ADARB2: variants seen among roughly 807,000 people sequenced by gnomAD.
ADARB2 encodes adenosine deaminase RNA specific B2 (inactive), also known as inactive double-stranded RNA-specific editase B2.
In ADARB2, 25 loss-of-function variants were observed where a neutral mutation model predicts 62.2. That is an observed-to-expected ratio of 0.40 (90% CI 0.29 to 0.56). The LOEUF (loss-of-function observed/expected upper bound fraction) is 0.56. Among genes scored for constraint, ADARB2 ranks in the 20% least tolerant of loss-of-function variants. ADARB2 has a pLI of 0.43. For synonymous variants in ADARB2, 572 were observed against 500.8 expected (o/e 1.14, Z -1.90); for missense variants, 1,071 against 1,077.4 (o/e 0.99, Z 0.08).
chr10:1,393,090 A>G (rs1248486383), intron 1 of ADARB2, among the ~76,000 whole-genome samples: 1 of 152,176 alleles, frequency 6.6e-6, no homozygotes, highest in African/African-American at 2.4e-5. Context: ...ATCACTTCCA[A>G]CTCATAGGGC....
At chr10:1,539,051 G>A (rs1396529132) in intron 1 of ADARB2, among the ~76,000 whole-genome samples, 1 of 152,186 alleles carries the variant, frequency 6.6e-6, no homozygotes, top group African/African-American at 2.4e-5. Flanking sequence ...TCGGCCCTGG[G>A]ATGTGAGTCT....
chr10:1,440,851 G>A (rs1448512317), intron 1 of ADARB2, among the ~76,000 whole-genome samples: 1 of 152,200 alleles, frequency 6.6e-6, no homozygotes, highest in Non-Finnish European at 1.5e-5. Context: ...CTTCAGGTGA[G>A]TTTTACAGCC....
In ADARB2 at chr10:1,647,412, CATAT is replaced by C. The variant is rs34461333; in HGVS notation, c.100+89635_100+89638del. ...GTATACATGTGCATACATGTGTGTG[CATAT>C]ATGTGTATACATATGTGTATACCTG... is the stretch of plus-strand genomic sequence containing the variant. On this transcript the variant is annotated intron_variant, in intron 1 of 9. Transcript: ENST00000381312. Among the ~76,000 whole-genome samples, 486 of 152,014 alleles carry C rather than the reference CATAT, an allele frequency of 3.2e-3. 1 individual carries two copies. Among genetic ancestry groups the C allele is most frequent in the African/African-American group, 0.011 (436 of 41,458 alleles).
At chr10:1,433,055 A>G (rs1830793508) in intron 1 of ADARB2, among the ~76,000 whole-genome samples, 2 of 152,258 alleles carry the variant, frequency 1.3e-5, no homozygotes, top group Admixed American at 1.3e-4. Context: ...TTCTAAAAAA[A>G]TCCTGGTCTG....
chr10:1,418,267 G>A (rs531849929), intron 1 of ADARB2, among the ~76,000 whole-genome samples: 7 of 152,324 alleles, frequency 4.6e-5, no homozygotes, highest in African/African-American at 1.7e-4. Context: ...TCGGCTATGA[G>A]CACCCCTGGA....
chr10:1,443,636 C>T (rs1338233012), intron 1 of ADARB2, among the ~76,000 whole-genome samples: 1 of 152,116 alleles, frequency 6.6e-6, no homozygotes, highest in African/African-American at 2.4e-5. Context: ...TTAATAGAAA[C>T]CTCCTTTTTT....
intron 1 of ADARB2, among the ~76,000 whole-genome samples, chr10:1,660,969 C>G (rs1834238821): frequency 6.6e-6 from 1 of 152,162 alleles, no homozygotes; most frequent in Non-Finnish European, 1.5e-5. Flanking sequence ...TAAACCCCCC[C>G]TCTGACCAGA....
intron 1 of ADARB2, among the ~76,000 whole-genome samples, chr10:1,550,930 C>G (rs896851500): frequency 6.6e-6 from 1 of 152,074 alleles, no homozygotes; most frequent in Non-Finnish European, 1.5e-5. Flanking sequence ...GTGCACTGTG[C>G]TTTTAAAATA....
At chr10:1,724,136 G>T (rs1255405755) in intron 1 of ADARB2, among the ~76,000 whole-genome samples, 1 of 152,184 alleles carries the variant, frequency 6.6e-6, no homozygotes, top group Non-Finnish European at 1.5e-5. Flanking sequence ...AGGTGCGCAA[G>T]GTAAAATGAA....
At position 1,423,403 on chromosome 10, in the gene ADARB2, C is replaced by T. The variant is rs183780171; in HGVS notation, c.101-44243G>A. Reference sequence around the variant, plus strand: ...TCCGGCCTCCTGGCTCCTGAGCACCCGGCCTTGAGCCTGCAGCCACCTTGC... The same window carrying T: ...TCCGGCCTCCTGGCTCCTGAGCACCTGGCCTTGAGCCTGCAGCCACCTTGC... On this transcript the variant is annotated intron_variant, in intron 1 of 9. Transcript: ENST00000381312. Among the ~76,000 whole-genome samples, 112 of 152,320 alleles carry T rather than the reference C, an allele frequency of 7.4e-4. 3 individuals carry two copies. The East Asian group carries it at 0.02, about 28-fold the overall frequency.
chr10:1,591,655 G>GCGCACA (rs1554774076), intron 1 of ADARB2, among the ~76,000 whole-genome samples: 2 of 86,920 alleles, frequency 2.3e-5, no homozygotes, highest in Admixed American at 2.1e-4. Context: ...ACAGAGGCGT[G>GCGCACA]CACGCACACA....
chr10:1,302,098 G>A (rs749445255), intron 3 of ADARB2, among the ~76,000 whole-genome samples: 10 of 152,214 alleles, frequency 6.6e-5, no homozygotes, highest in Non-Finnish European at 1.3e-4. Context: ...GGTGATTTCT[G>A]CATTTCCATC....
chr10:1,263,172 C>A (rs1173767620), intron 4 of ADARB2, among the ~76,000 whole-genome samples: 1 of 151,390 alleles, frequency 6.6e-6, no homozygotes, highest in Non-Finnish European at 1.5e-5. Context: ...AGGAGATATA[C>A]CTAATGCTAA....
At chr10:1,200,301 G>C in intron 7 of ADARB2, 154 bp from the exon 8 acceptor site, 2 of 934,128 alleles carry the variant, frequency 2.1e-6, no homozygotes, top group Non-Finnish European at 3.4e-6. Context: ...ACCCAACCCA[G>C]CCATCACTGG....
intron 6 of ADARB2, among the ~76,000 whole-genome samples, chr10:1,229,748 A>C (rs1830784554): frequency 1.3e-5 from 1 of 79,654 alleles, no homozygotes; most frequent in South Asian, 3.4e-4. Flanking sequence ...TTGTATGTGC[A>C]CGTGATTACA....
At chr10:1,509,315 A>G (rs911147876) in intron 1 of ADARB2, among the ~76,000 whole-genome samples, 1 of 152,178 alleles carries the variant, frequency 6.6e-6, no homozygotes, top group African/African-American at 2.4e-5. Flanking sequence ...ACCATTCTTC[A>G]GAGGCTTGCT....
chr10:1,524,678 G>A (rs1564316846), intron 1 of ADARB2, among the ~76,000 whole-genome samples: 1 of 152,126 alleles, frequency 6.6e-6, no homozygotes, highest in Admixed American at 6.5e-5. Flanking sequence ...CTTTGATTAC[G>A]AGAACAGCAC....
chr10:1,734,290 G>A (rs1874988), intron 1 of ADARB2, among the ~76,000 whole-genome samples: 41,874 of 141,052 alleles, frequency 0.3, 6,592 homozygotes, highest in East Asian at 0.54. Context: ...ATTCTGTGAC[G>A]AAGGTGTTTT....
At chr10:1,672,632 C>T (rs191026570) in intron 1 of ADARB2, among the ~76,000 whole-genome samples, 352 of 149,184 alleles carry the variant, frequency 2.4e-3, no homozygotes, top group Admixed American at 4.3e-3. Flanking sequence ...GACACACTTT[C>T]CCCTCCTCCT....
Sources: allele counts gnomAD v4.1 joint callset (sites outside exome capture counted in the v4.1 genomes callset), GRCh38; gene constraint gnomAD v4.1.1; transcripts MANE v1.5; gene names NCBI Gene and HGNC (gene_info 2026-07-23, HGNC 2026-07-21).